The following ATE1 variants were observed in gnomAD, a reference collection of about 807,000 sequenced individuals.
The protein encoded by ATE1 is arginyl-tRNA--protein transferase 1.
Under a neutral mutation model 70.5 loss-of-function variants are expected in ATE1, and 36 were observed. The observed-to-expected ratio is 0.51, with a 90% CI of 0.39 to 0.67. The LOEUF is 0.67. Ranked by LOEUF, ATE1 falls within the 30% of genes least tolerant of loss-of-function variation. The pLI, the probability that ATE1 is intolerant of heterozygous loss-of-function variation, is 0.00. For missense variants in ATE1, 593 were observed against 629.5 expected (o/e 0.94, Z 0.62); for synonymous variants, 232 against 219.3 (o/e 1.06, Z -0.51).
At chr10:121,809,842 G>A (rs977589408) in intron 10 of ATE1, among the ~76,000 whole-genome samples, 10 of 151,784 alleles carry the variant, frequency 6.6e-5, no homozygotes, top group Admixed American at 2.6e-4. Context: ...TCAGAGAATC[G>A]TGAGGGAAAC....
intron 2 of ATE1, among the ~76,000 whole-genome samples, chr10:121,923,242 G>A (rs890463342): frequency 2.6e-5 from 4 of 152,188 alleles, no homozygotes; most frequent in African/African-American, 4.8e-5. Context: ...AAGCTAAGCT[G>A]GAAGAACACT....
intron 11 of ATE1, among the ~76,000 whole-genome samples, chr10:121,788,964 A>G (rs886071637): frequency 5.3e-5 from 8 of 152,214 alleles, no homozygotes; most frequent in African/African-American, 1.7e-4. Flanking sequence ...TGTGAGTGGT[A>G]CTTAGACTAC....
At chr10:121,825,967 C>T (rs1250969984) in intron 10 of ATE1, among the ~76,000 whole-genome samples, 1 of 152,166 alleles carries the variant, frequency 6.6e-6, no homozygotes, top group Non-Finnish European at 1.5e-5. Flanking sequence ...GTGGTATATA[C>T]AGTGAAATGT....
At chr10:121,926,722 A>G (rs1446054487) in intron 1 of ATE1, 7 of 985,188 alleles carry the variant, frequency 7.1e-6, no homozygotes, top group African/African-American at 1.7e-5. Flanking sequence ...CAATACTCTA[A>G]GGCCATATTA....
intron 3 of ATE1, among the ~76,000 whole-genome samples, chr10:121,917,241 G>A (rs1421292066): frequency 2.0e-5 from 3 of 152,124 alleles, no homozygotes; most frequent in Admixed American, 6.6e-5. Context: ...CGGTCAGAAG[G>A]CTCCACAAGG....
chr10:121,883,307 C>T (rs1026743591), intron 7 of ATE1, among the ~76,000 whole-genome samples: 2 of 152,122 alleles, frequency 1.3e-5, no homozygotes, highest in African/African-American at 4.8e-5. Context: ...AGCAAGAGAT[C>T]TTTATCTGAT....
intron 8 of ATE1, among the ~76,000 whole-genome samples, chr10:121,863,387 G>T (rs377575865): frequency 6.6e-6 from 1 of 151,150 alleles, no homozygotes; most frequent in African/African-American, 2.4e-5. Context: ...CCGAGTAGCT[G>T]GGATTACAGG....
At chr10:121,781,523 C>CACACAATAACA (rs1218056851) in intron 11 of ATE1, among the ~76,000 whole-genome samples, 1 of 152,192 alleles carries the variant, frequency 6.6e-6, no homozygotes, top group Non-Finnish European at 1.5e-5. Context: ...AGTGATGGAT[C>CACACAATAACA]ACACAATAAC....
intron 6 of ATE1, among the ~76,000 whole-genome samples, chr10:121,900,728 A>G (rs960146921): frequency 3.3e-5 from 5 of 152,220 alleles, no homozygotes; most frequent in Non-Finnish European, 7.3e-5. Context: ...AATTCTATGA[A>G]GAAAGAGCGA....
intron 10 of ATE1, among the ~76,000 whole-genome samples, chr10:121,836,366 G>A (rs929675427): frequency 5.9e-5 from 9 of 152,132 alleles, no homozygotes; most frequent in African/African-American, 2.2e-4. Context: ...ATCGCGGTGG[G>A]TGGAAGGCGG....
intron 11 of ATE1, among the ~76,000 whole-genome samples, chr10:121,764,766 G>C (rs1243630054): frequency 2.0e-5 from 3 of 152,170 alleles, no homozygotes; most frequent in Non-Finnish European, 4.4e-5. Context: ...GAGGAGCAGA[G>C]ATGTGTATGC....
intron 11 of ATE1, among the ~76,000 whole-genome samples, chr10:121,769,903 T>G (rs4393249): frequency 0.57 from 86,906 of 152,166 alleles, 24,979 homozygotes; most frequent in East Asian, 0.67. Context: ...TTTCATCCAT[T>G]GTTGTTGGGA....
At chr10:121,800,237 G>A (rs550218752) in intron 10 of ATE1, among the ~76,000 whole-genome samples, 270 of 152,174 alleles carry the variant, frequency 1.8e-3, no homozygotes, top group Non-Finnish European at 3.0e-3. Flanking sequence ...AAGCATTTGA[G>A]ACTTTGTTAT....
At chr10:121,777,812 TTA>T (rs1945810409) in intron 11 of ATE1, among the ~76,000 whole-genome samples, 1 of 152,210 alleles carries the variant, frequency 6.6e-6, no homozygotes. Flanking sequence ...ATGTAATTCA[TTA>T]TGTTTATAAG....
chr10:121,902,667 A>G (rs1308105605), intron 5 of ATE1, 47 bp from the exon 6 acceptor site: 26 of 1,530,286 alleles, frequency 1.7e-5, no homozygotes, highest in Non-Finnish European at 2.2e-5. Flanking sequence ...TGGTTCTAGA[A>G]AAGTTTTTTC....
intron 10 of ATE1, among the ~76,000 whole-genome samples, chr10:121,819,700 A>AAAAC (rs1238894893): frequency 1.3e-5 from 2 of 149,966 alleles, no homozygotes; most frequent in Non-Finnish European, 3.0e-5. Context: ...AAAAAAAAAA[A>AAAAC]AGACTACACA....
At chr10:121,875,125 T>TGA in intron 7 of ATE1, among the ~76,000 whole-genome samples, 1 of 125,708 alleles carries the variant, frequency 8.0e-6, no homozygotes, top group South Asian at 2.5e-4. Flanking sequence ...GGCGACAGAC[T>TGA]GAGACTCCGT....
intron 7 of ATE1, among the ~76,000 whole-genome samples, chr10:121,887,679 C>T (rs1331203435): frequency 6.6e-6 from 1 of 152,064 alleles, no homozygotes; most frequent in Non-Finnish European, 1.5e-5. Context: ...TGCACTCCAG[C>T]CTGGGCAACA....
intron 8 of ATE1, among the ~76,000 whole-genome samples, chr10:121,856,561 G>A (rs1416055259): frequency 6.6e-6 from 1 of 152,150 alleles, no homozygotes; most frequent in Non-Finnish European, 1.5e-5. Context: ...TAGACATCTT[G>A]CAGGTACTAT....
Sources: allele counts gnomAD v4.1 joint callset (sites outside exome capture counted in the v4.1 genomes callset), GRCh38; gene constraint gnomAD v4.1.1; transcripts MANE v1.5; gene names NCBI Gene and HGNC (gene_info 2026-07-23, HGNC 2026-07-21).